Variants in UBAC2 observed in about 807,000 individuals in gnomAD.
The protein encoded by UBAC2 is UBA domain containing 2.
UBAC2 carries 26 observed loss-of-function variants against 44.0 expected under a neutral mutation model. The observed-to-expected ratio is 0.59, with a 90% CI of 0.43 to 0.82. UBAC2 has a LOEUF of 0.82. Ranked by LOEUF, UBAC2 falls within the 40% of genes least tolerant of loss-of-function variation. UBAC2 has a pLI of 0.00. For synonymous variants in UBAC2, 155 were observed against 154.3 expected (o/e 1.00, Z -0.04); for missense variants, 329 against 419.4 (o/e 0.78, Z 1.88).
intron 1 of UBAC2, among the ~76,000 whole-genome samples, chr13:99,204,302 G>A (rs2042841570): frequency 2.0e-5 from 3 of 152,162 alleles, no homozygotes; most frequent in African/African-American, 7.2e-5. Flanking sequence ...ACTTCCCAAT[G>A]TAGCAATATT....
At chr13:99,340,211 C>A in intron 6 of UBAC2, 109 bp from the exon 7 acceptor site, 1 of 1,257,926 alleles carries the variant, frequency 7.9e-7, no homozygotes, top group Non-Finnish European at 1.1e-6. Context: ...ACTGCTATGA[C>A]TAAGAAAAAT....
intron 4 of UBAC2, among the ~76,000 whole-genome samples, chr13:99,303,552 A>G (rs1431464924): frequency 6.6e-6 from 1 of 152,058 alleles, no homozygotes; most frequent in African/African-American, 2.4e-5. Context: ...CCACCATAAT[A>G]CTCATTTTAG....
intron 4 of UBAC2, among the ~76,000 whole-genome samples, chr13:99,281,901 C>A (rs965817738): frequency 6.6e-6 from 1 of 152,116 alleles, no homozygotes; most frequent in South Asian, 2.1e-4. Context: ...GAGTGTCTTA[C>A]CAGGGAGCAG....
chr13:99,243,955 A>T lies in UBAC2; in HGVS notation c.279+4A>T. Reference sequence around the variant, plus strand: ...ATATGGAAGCAGAAAATTTGCAGTAAGTTTTTATGTATTTTGTCTTTGCTA... The same window carrying T: ...ATATGGAAGCAGAAAATTTGCAGTATGTTTTTATGTATTTTGTCTTTGCTA... On this transcript the variant is annotated splice_donor_region_variant and intron_variant, in intron 3 of 8. Coordinates refer to ENST00000403766, the MANE Select transcript of UBAC2 (RefSeq NM_001144072.2). 6.6e-7 allele frequency: 1 copy of T among 1,525,826 alleles called. No homozygotes were observed. The highest frequency in any genetic ancestry group is 8.8e-7 in the Non-Finnish European group (1 of 1,138,514). 94.5% of individuals were successfully genotyped at this position (1,525,826 alleles called of 1,614,324 possible).
At chr13:99,299,950 G>A (rs1020070877) in intron 4 of UBAC2, among the ~76,000 whole-genome samples, 1 of 152,186 alleles carries the variant, frequency 6.6e-6, no homozygotes, top group Non-Finnish European at 1.5e-5. Context: ...CTGGCTTCAG[G>A]TTTCTTCCTC....
At chr13:99,359,240 A>T (rs2045231369) in intron 7 of UBAC2, among the ~76,000 whole-genome samples, 1 of 152,220 alleles carries the variant, frequency 6.6e-6, no homozygotes, top group Admixed American at 6.5e-5. Flanking sequence ...GATCCACTGG[A>T]TCTAACAAAG....
chr13:99,285,474 C>T (rs140101247), intron 4 of UBAC2, among the ~76,000 whole-genome samples: 28 of 151,796 alleles, frequency 1.8e-4, no homozygotes, highest in African/African-American at 2.9e-4. Flanking sequence ...CTCACTGTAA[C>T]GTCAAACTTC....
At chr13:99,252,951 TAA>T (rs1325866087) in intron 4 of UBAC2, among the ~76,000 whole-genome samples, 5 of 151,910 alleles carry the variant, frequency 3.3e-5, no homozygotes, top group African/African-American at 7.2e-5. Flanking sequence ...CTAATAAATT[TAA>T]GAGTAGATTC....
chr13:99,286,273 G>A lies in UBAC2; in HGVS notation c.390-27824G>A, dbSNP rs1464064538. Among the ~76,000 whole-genome samples, 5 of 152,260 alleles carry A rather than the reference G, an allele frequency of 3.3e-5. No homozygotes were observed. In the South Asian group the frequency reaches 6.2e-4, roughly 19 times the overall value. ...TTGACTTCAAATGTATATATACAAA[G>A]CAACATACCTGGATCTGAAACATTT... On this transcript the variant is annotated intron_variant, in intron 4 of 8. Coordinates refer to ENST00000403766, the MANE Select transcript of UBAC2 (RefSeq NM_001144072.2).
chr13:99,348,221 G>T (rs1415778063), intron 7 of UBAC2, among the ~76,000 whole-genome samples: 2 of 152,230 alleles, frequency 1.3e-5, no homozygotes, highest in Non-Finnish European at 2.9e-5. Flanking sequence ...GCAGTGTACT[G>T]CCCTGAGGGA....
At chr13:99,343,249 A>G (rs1230905365) in intron 7 of UBAC2, among the ~76,000 whole-genome samples, 1 of 152,166 alleles carries the variant, frequency 6.6e-6, no homozygotes, top group East Asian at 1.9e-4. Flanking sequence ...CAGGCACTTC[A>G]TGGTGCAGCA....
intron 1 of UBAC2, among the ~76,000 whole-genome samples, chr13:99,217,285 A>G (rs996428196): frequency 2.0e-5 from 3 of 152,128 alleles, no homozygotes; most frequent in African/African-American, 7.2e-5. Context: ...CAGAAGCCCA[A>G]ACTTGCAAGG....
At position 99,320,089 on chromosome 13, in the gene UBAC2, A is replaced by G. The variant is rs138903552; in HGVS notation, c.561+2020A>G. Among the ~76,000 whole-genome samples, 21 of 151,968 alleles carry G rather than the reference A, an allele frequency of 1.4e-4. No individual in the cohort carries two copies. In the East Asian group the frequency reaches 4.0e-3, roughly 29 times the overall value. On this transcript the variant is annotated intron_variant, in intron 6 of 8. Coordinates refer to ENST00000403766, the MANE Select transcript of UBAC2 (RefSeq NM_001144072.2). Reference sequence around the variant, plus strand: ...CCCCTTCCTTAGTAACTCTTATGTGACTCAGTTTTTTAAAACACATTCCAT... The same window carrying G: ...CCCCTTCCTTAGTAACTCTTATGTGGCTCAGTTTTTTAAAACACATTCCAT...
chr13:99,253,112 A>G (rs1336948489), intron 4 of UBAC2, among the ~76,000 whole-genome samples: 2 of 150,306 alleles, frequency 1.3e-5, no homozygotes, highest in African/African-American at 4.9e-5. Flanking sequence ...TATAATATCT[A>G]TAAAGGTACT....
At chr13:99,335,590 C>T (rs1418228318) in intron 6 of UBAC2, among the ~76,000 whole-genome samples, 5 of 152,124 alleles carry the variant, frequency 3.3e-5, no homozygotes, top group Non-Finnish European at 7.4e-5. Flanking sequence ...GGAAGATGAG[C>T]GCAACATGTG....
At chr13:99,327,922 T>C (rs1328255975) in intron 6 of UBAC2, among the ~76,000 whole-genome samples, 2 of 152,224 alleles carry the variant, frequency 1.3e-5, no homozygotes, top group Non-Finnish European at 1.5e-5. Context: ...TTGGTAGTTA[T>C]ATACAGTCAT....
chr13:99,251,545 A>T (rs1020690467), intron 4 of UBAC2, among the ~76,000 whole-genome samples: 8 of 152,290 alleles, frequency 5.3e-5, no homozygotes, highest in South Asian at 2.1e-4. Context: ...TTCCCTGTGA[A>T]TTTGAAAGCA....
chr13:99,250,407 C>T lies in UBAC2; in HGVS notation c.389+5783C>T, dbSNP rs548455980. 3.3e-5 allele frequency among the ~76,000 whole-genome samples: 5 copies of T among 152,288 alleles called. No homozygotes were observed. In the South Asian group the frequency reaches 1.0e-3, roughly 32 times the overall value. Reference sequence around the variant, plus strand: ...TTATTTCTGGGTTCTCTATTCTGTTCCACTGGTCTGTATGTCTGTTTTTGT... The same window carrying T: ...TTATTTCTGGGTTCTCTATTCTGTTTCACTGGTCTGTATGTCTGTTTTTGT... On this transcript the variant is annotated intron_variant, in intron 4 of 8. Coordinates refer to ENST00000403766, the MANE Select transcript of UBAC2 (RefSeq NM_001144072.2).
intron 4 of UBAC2, among the ~76,000 whole-genome samples, chr13:99,284,482 C>T (rs950800800): frequency 3.9e-5 from 6 of 152,182 alleles, no homozygotes; most frequent in Admixed American, 6.5e-5. Context: ...CAGATGCCCC[C>T]GTTATTAACA....
Sources: allele counts gnomAD v4.1 joint callset (sites outside exome capture counted in the v4.1 genomes callset), GRCh38; gene constraint gnomAD v4.1.1; transcripts MANE v1.5; gene names NCBI Gene and HGNC (gene_info 2026-07-23, HGNC 2026-07-21).